The following BCR variants were observed in gnomAD, a reference collection of about 807,000 sequenced individuals.
The protein encoded by BCR is breakpoint cluster region protein.
A neutral mutation model predicts 138.6 loss-of-function variants in BCR; 58 were observed. The ratio of observed to expected loss-of-function variants is 0.42; its 90% CI spans 0.34 to 0.52. The LOEUF (loss-of-function observed/expected upper bound fraction) is 0.52. Among genes scored for constraint, BCR ranks in the 20% least tolerant of loss-of-function variants. The pLI, the probability that BCR is intolerant of heterozygous loss-of-function variation, is 0.06. For missense variants in BCR, 1,599 were observed against 1,727.2 expected, an observed-to-expected ratio of 0.93 and a Z score of 1.32; for synonymous variants, 786 against 730.1, an observed-to-expected ratio of 1.08 and a Z score of -1.23.
chr22:23,243,310 G>A (rs921065847), intron 1 of BCR, among the ~76,000 whole-genome samples: 5 of 152,270 alleles, frequency 3.3e-5, no homozygotes, highest in African/African-American at 1.2e-4. Context: ...TGAACTCTGG[G>A]GATGGGGAGA....
chr22:23,206,420 A>G (rs2072614285), intron 1 of BCR, among the ~76,000 whole-genome samples: 1 of 151,606 alleles, frequency 6.6e-6, no homozygotes, highest in Non-Finnish European at 1.5e-5. Flanking sequence ...TAAAAATACA[A>G]AAAAAAAGTA....
intron 1 of BCR, among the ~76,000 whole-genome samples, chr22:23,240,337 GTGTGTGTC>G (rs936844666): frequency 4.0e-5 from 6 of 149,842 alleles, no homozygotes; most frequent in African/African-American, 9.9e-5. Context: ...GTGTGTGTGT[GTGTGTGTC>G]TGTCTATGTG....
chr22:23,232,486 G>T (rs2072970223), intron 1 of BCR, among the ~76,000 whole-genome samples: 1 of 152,212 alleles, frequency 6.6e-6, no homozygotes, highest in East Asian at 1.9e-4. Context: ...AGGGTGCCTG[G>T]CTCTTTGGGA....
chr22:23,269,304 C>T (rs75236428), intron 5 of BCR, among the ~76,000 whole-genome samples: 158 of 152,342 alleles, frequency 1.0e-3, no homozygotes, highest in African/African-American at 3.7e-3. Context: ...TTTGGAGGCC[C>T]TTGCCTCTTC....
intron 1 of BCR, chr22:23,198,394 T>G (rs752083214): frequency 2.2e-6 from 1 of 450,310 alleles, no homozygotes; most frequent in Admixed American, 2.8e-5. Flanking sequence ...AGGTGAGTGA[T>G]GTGTTTGGGT....
At chr22:23,198,360 T>A (rs758718092) in intron 1 of BCR, 3 of 447,506 alleles carry the variant, frequency 6.7e-6, no homozygotes, top group Admixed American at 2.9e-5. Flanking sequence ...CAGGGGGAGA[T>A]TATTCCAAGT....
chr22:23,302,231 G>C (rs914312445), intron 16 of BCR: 1 of 152,526 alleles, frequency 6.6e-6, no homozygotes, highest in Non-Finnish European at 1.5e-5. Flanking sequence ...GCACCATTAA[G>C]GGGAGCAAAA....
intron 4 of BCR, among the ~76,000 whole-genome samples, chr22:23,266,179 G>C (rs1456728491): frequency 1.3e-5 from 2 of 152,038 alleles, no homozygotes; most frequent in African/African-American, 4.8e-5. Flanking sequence ...CTGCCTCCTG[G>C]GTTCAGGCGA....
At chr22:23,290,030 C>T (rs1173054030) in intron 13 of BCR, 1 of 525,050 alleles carries the variant, frequency 1.9e-6, no homozygotes, top group Non-Finnish European at 3.5e-6. Context: ...ACAGCATACG[C>T]TATGCACATG....
intron 3 of BCR, 87 bp downstream of exon 3, chr22:23,261,141 G>C (rs1343445866): frequency 4.3e-5 from 59 of 1,383,126 alleles, no homozygotes; most frequent in Non-Finnish European, 5.6e-5. Flanking sequence ...TCCCAGGTCA[G>C]CTGTCAGAGC....
At chr22:23,309,098 G>A (rs1187775008) in intron 16 of BCR, among the ~76,000 whole-genome samples, 1 of 152,176 alleles carries the variant, frequency 6.6e-6, no homozygotes, top group Admixed American at 6.5e-5. Flanking sequence ...ACCTTTCACT[G>A]AGCTCCACAT....
Position 23,201,520 on chromosome 22 carries a change from C to T in BCR, c.1279+19281C>T, listed in dbSNP as rs571290806. Among the ~76,000 whole-genome samples, 77 of 152,220 alleles carry T rather than the reference C, an allele frequency of 5.1e-4. 3 individuals are homozygous for T. In the East Asian group the frequency reaches 9.5e-3, roughly 19 times the overall value. On this transcript the variant is annotated intron_variant, in intron 1 of 22. Coordinates refer to ENST00000305877, the MANE Select transcript of BCR (RefSeq NM_004327.4). Reference sequence around the variant, plus strand: ...TTCCCCAGGCTGGAGTGCAGTGGGGCGATCTTGGCTCACTGCAAGCTCCGC... The same window carrying T: ...TTCCCCAGGCTGGAGTGCAGTGGGGTGATCTTGGCTCACTGCAAGCTCCGC...
At chr22:23,263,496 G>C (rs919511464) in intron 4 of BCR, 1 of 1,562,908 alleles carries the variant, frequency 6.4e-7, no homozygotes, top group Non-Finnish European at 8.8e-7. Context: ...GATGCAGCTA[G>C]AGGATGATGC....
At chr22:23,224,754 C>T (rs145495582) in intron 1 of BCR, among the ~76,000 whole-genome samples, 239 of 152,236 alleles carry the variant, frequency 1.6e-3, no homozygotes, top group African/African-American at 5.5e-3. Flanking sequence ...TGGTGGCACA[C>T]GCCTGTGATC....
intron 1 of BCR, among the ~76,000 whole-genome samples, chr22:23,186,701 T>A (rs528776463): frequency 1.3e-5 from 2 of 152,316 alleles, no homozygotes; most frequent in East Asian, 3.9e-4. Context: ...TGTTCATCCA[T>A]GTGATGGCAG....
At position 23,295,122 on chromosome 22, in the gene BCR, C is replaced by A; in HGVS notation, c.2979C>A (p.Ser993Arg). The A allele has an allele frequency of 6.2e-7, 1 of 1,614,118 alleles. No homozygotes were observed. The highest frequency in any genetic ancestry group is 1.6e-4 in the Middle Eastern group (1 of 6,062). Residue 993 changes from serine (S) to arginine (R), a missense_variant, in exon 16 of 23, where the codon AGC becomes AGA. Ser to Arg is a moderately radical substitution (Grantham distance 110). This residue lies in a region of BCR where 590 missense variants were observed against 762.4 expected (regional missense o/e 0.77). Transcript: ENST00000305877. ...KTKIPKEDGE[S>R]TDRLMGKGQV... ...AGATCCCCAAGGAGGACGGCGAGAG[C>A]ACGGACAGACTCATGGGGAAGGGCC...
chr22:23,263,763 A>C, intron 4 of BCR: 6 of 1,426,816 alleles, frequency 4.2e-6, no homozygotes, highest in Non-Finnish European at 4.9e-6. Flanking sequence ...GCATCATATC[A>C]TTGTGAGTGG....
At chr22:23,272,650 GAGTC>G (rs1431854502) in intron 6 of BCR, among the ~76,000 whole-genome samples, 1 of 152,152 alleles carries the variant, frequency 6.6e-6, no homozygotes, top group Non-Finnish European at 1.5e-5. Context: ...GCTTGTCTCA[GAGTC>G]AGGTGTCTGA....
chr22:23,260,860 C>A, intron 2 of BCR, 90 bp from the exon 3 acceptor site: 1 of 1,258,602 alleles, frequency 7.9e-7, no homozygotes, highest in Non-Finnish European at 1.2e-6. Flanking sequence ...GTCCAGAGGT[C>A]AACAAGCTGG....
Sources: gnomAD v4.1 joint callset for allele counts (sites outside exome capture counted in the v4.1 genomes callset) on GRCh38, gnomAD v4.1.1 for gene constraint, gnomAD v4.1.1 regional missense constraint, MANE v1.5 for transcripts, NCBI Gene and HGNC (gene_info 2026-07-23, HGNC 2026-07-21) for gene names.